The following FOSL2 variants were observed in gnomAD, a reference collection of about 807,000 sequenced individuals.
FOSL2 encodes FOS like 2, AP-1 transcription factor subunit.
In FOSL2, 3 loss-of-function variants were observed where a neutral mutation model predicts 27.7. That is an observed-to-expected ratio of 0.11 (90% CI 0.05 to 0.28). The LOEUF is 0.28. Ranked by LOEUF, FOSL2 falls within the 10% of genes least tolerant of loss-of-function variation. The pLI is 1.00. For synonymous variants in FOSL2, 179 were observed against 190.1 expected, an observed-to-expected ratio of 0.94 and a Z score of 0.48; for missense variants, 333 against 445.1, an observed-to-expected ratio of 0.75 and a Z score of 2.27.
chr2:28,406,355 C>T (rs1199631213), intron 2 of FOSL2, among the ~76,000 whole-genome samples: 3 of 152,174 alleles, frequency 2.0e-5, no homozygotes, highest in African/African-American at 7.2e-5. Flanking sequence ...AGCCACCGCG[C>T]CCGGCCACGC....
At position 28,412,491 on chromosome 2, in the gene FOSL2, G is replaced by C; in HGVS notation, c.*43G>C. 6.4e-7 allele frequency: 1 copy of C among 1,572,970 alleles called. No individual in the cohort carries two copies. The highest frequency in any genetic ancestry group is 8.6e-7 in the Non-Finnish European group (1 of 1,163,474). On this transcript the variant is annotated 3_prime_UTR_variant, in exon 4 of 4. Coordinates refer to ENST00000264716, the MANE Select transcript of FOSL2 (RefSeq NM_005253.4). The surrounding 1 kb of genome is among the most constrained non-coding windows in gnomAD (Gnocchi z 7.1). ...CCCAGCTCCGGAGGGGGTCCTCCTC[G>C]CTCCTCCTTCCCAGGGACCAGCACC...
Position 28,413,159 on chromosome 2 carries a change from G to A in FOSL2, c.*711G>A, listed in dbSNP as rs931243024. 3.6e-5 allele frequency: 8 copies of A among 222,144 alleles called. No homozygotes were observed. The highest frequency in any genetic ancestry group is 1.2e-4 in the Admixed American group (2 of 17,208). The allele number at this position is 222,144 out of a possible 1,614,324, so 13.8% of individuals were successfully genotyped here. On this transcript the variant is annotated 3_prime_UTR_variant, in exon 4 of 4. Transcript: ENST00000264716. The stretch of plus-strand genomic sequence containing the variant: ...CAGAGGACCCTTCCTGCCCACCTTC[G>A]GAGACGGCTTCTGGAGGAACGGCTT...
intron 2 of FOSL2, among the ~76,000 whole-genome samples, chr2:28,406,099 A>G (rs2148090693): frequency 7.0e-6 from 1 of 143,334 alleles, no homozygotes; most frequent in East Asian, 2.1e-4. Context: ...TCTATCACTC[A>G]GGCTAGAATG....
chr2:28,410,909 G>A (rs1004901050), intron 3 of FOSL2, among the ~76,000 whole-genome samples: 47 of 152,334 alleles, frequency 3.1e-4, no homozygotes, highest in Admixed American at 2.5e-3. Flanking sequence ...AGCACTTTGG[G>A]AGGCTGAGGC....
chr2:28,396,435 C>T (rs895899741), intron 1 of FOSL2, among the ~76,000 whole-genome samples: 13 of 151,998 alleles, frequency 8.6e-5, no homozygotes, highest in African/African-American at 3.1e-4. Context: ...GTAACCGTTG[C>T]ACACACCTCC....
At chr2:28,411,867 T>C (rs1379800076) in intron 3 of FOSL2, 63 bp from the exon 4 acceptor site, 1 of 1,582,372 alleles carries the variant, frequency 6.3e-7, no homozygotes, top group Non-Finnish European at 8.7e-7. Context: ...TGGTTTTCTC[T>C]TTCCTGCCTA....
At chr2:28,406,752 G>C (rs568535479) in intron 2 of FOSL2, among the ~76,000 whole-genome samples, 1 of 152,350 alleles carries the variant, frequency 6.6e-6, no homozygotes, top group East Asian at 1.9e-4. Context: ...AACTTTGGCT[G>C]TTCAGGTTGC....
In FOSL2 at chr2:28,392,990, G is replaced by A; in HGVS notation, c.-731G>A. 2 of 650,546 alleles carry A rather than the reference G, an allele frequency of 3.1e-6. No individual in the cohort carries two copies. The highest frequency in any genetic ancestry group is 3.2e-5 in the South Asian group (2 of 62,632). The allele number at this position is 650,546 out of a possible 1,614,324, so 40.3% of individuals were successfully genotyped here. A position where few individuals can be genotyped will look rare whatever the true frequency, so the allele number is the denominator to read the frequency against. On this transcript the variant is annotated 5_prime_UTR_variant, in exon 1 of 4. Coordinates refer to ENST00000264716, the MANE Select transcript of FOSL2 (RefSeq NM_005253.4). ...AGGGAGAGGCGCGGCCGGGCGAGGC[G>A]GGCCCGTCCGGGAGCGGGCTCCGGG...
At position 28,408,404 on chromosome 2, in the gene FOSL2, G is replaced by T. The variant is rs1020362971; in HGVS notation, c.355-355G>T. On this transcript the variant is annotated intron_variant, in intron 2 of 3. Coordinates refer to ENST00000264716, the MANE Select transcript of FOSL2 (RefSeq NM_005253.4). This position sits in a 1 kb window ranked among gnomAD's most constrained non-coding sequence, Gnocchi z 4.1. ...CTGGCAGGAGGGGACTCTTGGAGAA[G>T]CATCCCCAGCTCCTTCTCTCTGGCC... 9.7e-4 allele frequency among the ~76,000 whole-genome samples: 147 copies of T among 152,318 alleles called. No individual in the cohort carries two copies. The highest frequency in any genetic ancestry group is 3.3e-3 in the African/African-American group (138 of 41,564).
In FOSL2 at chr2:28,414,116, GA is replaced by G; in HGVS notation, c.*1669del. The G allele has an allele frequency of 6.0e-6, 2 of 335,722 alleles. No homozygotes were observed. Among genetic ancestry groups the G allele is most frequent in the Admixed American group, 9.6e-5 (2 of 20,740 alleles). 20.8% of individuals were successfully genotyped at this position (335,722 alleles called of 1,614,324 possible). On this transcript the variant is annotated 3_prime_UTR_variant, in exon 4 of 4. Coordinates refer to ENST00000264716, the MANE Select transcript of FOSL2 (RefSeq NM_005253.4). ...CTCTGCGGGGCTTGTGCTCTGCAAA[GA>G]CTCTGCTGCTGGGGATTCAGCTCTA...
chr2:28,406,893 G>A (rs938020563), intron 2 of FOSL2, among the ~76,000 whole-genome samples: 1 of 152,210 alleles, frequency 6.6e-6, no homozygotes, highest in Non-Finnish European at 1.5e-5. Context: ...GGTTCCCTCT[G>A]TGCCCTGTGG....
rs1265872122 is a variant in FOSL2 at position 28,413,707 on chromosome 2, C to T, written c.*1259C>T. ...TCCTGCCCTCTGTGGTCATCTGCCA[C>T]CTGCTGGATCAAGTGCTTTCTCTTT... On this transcript the variant is annotated 3_prime_UTR_variant, in exon 4 of 4. Coordinates refer to ENST00000264716, the MANE Select transcript of FOSL2 (RefSeq NM_005253.4). 7.5e-6 allele frequency: 3 copies of T among 399,048 alleles called. No individual in the cohort carries two copies. The highest frequency in any genetic ancestry group is 4.1e-5 in the African/African-American group (2 of 48,650). 24.7% of individuals were successfully genotyped at this position (399,048 alleles called of 1,614,324 possible).
At position 28,415,726 on chromosome 2, in the gene FOSL2, T is replaced by G. The variant is rs1015232988; in HGVS notation, c.*3278T>G. The stretch of plus-strand genomic sequence containing the variant: ...TGTGCCAGGCACTGTGTTAGGCGCT[T>G]TTATATAGATCCTCGTTAGGATGAG... On this transcript the variant is annotated 3_prime_UTR_variant, in exon 4 of 4. Coordinates refer to ENST00000264716, the MANE Select transcript of FOSL2 (RefSeq NM_005253.4). 6.6e-6 allele frequency: 1 copy of G among 152,194 alleles called. No individual in the cohort carries two copies. The highest frequency in any genetic ancestry group is 2.4e-5 in the African/African-American group (1 of 41,444). The allele number at this position is 152,194 out of a possible 1,614,324, so 9.4% of individuals were successfully genotyped here. A position where few individuals can be genotyped will look rare whatever the true frequency, so the allele number is the denominator to read the frequency against.
chr2:28,411,722 C>A (rs1227807959), intron 3 of FOSL2, among the ~76,000 whole-genome samples: 2 of 137,404 alleles, frequency 1.5e-5, no homozygotes, highest in African/African-American at 7.3e-5. Context: ...TGTTGTCTTA[C>A]CCCCTCTCCA....
intron 1 of FOSL2, among the ~76,000 whole-genome samples, chr2:28,403,863 A>G (rs925005193): frequency 4.6e-5 from 7 of 152,134 alleles, no homozygotes; most frequent in Non-Finnish European, 1.0e-4. Context: ...CCACCTGGGG[A>G]TGGAGTTCTC....
chr2:28,399,352 A>G (rs1236796394), intron 1 of FOSL2, among the ~76,000 whole-genome samples: 3 of 152,136 alleles, frequency 2.0e-5, no homozygotes, highest in South Asian at 2.1e-4. Context: ...GCAAAAAGCC[A>G]TGGGTTCATA....
chr2:28,400,640 T>C (rs1017224269), intron 1 of FOSL2, among the ~76,000 whole-genome samples: 1 of 152,348 alleles, frequency 6.6e-6, no homozygotes, highest in African/African-American at 2.4e-5. Flanking sequence ...CTTTGCCTCC[T>C]GTCTGAAACA....
chr2:28,405,118 C>T (rs1004993267), intron 2 of FOSL2, among the ~76,000 whole-genome samples: 1 of 152,216 alleles, frequency 6.6e-6, no homozygotes, highest in Admixed American at 6.5e-5. Context: ...TCAAGAGGCT[C>T]ATTGCCTGGA....
At chr2:28,401,412 T>C (rs1229971783) in intron 1 of FOSL2, among the ~76,000 whole-genome samples, 1 of 152,148 alleles carries the variant, frequency 6.6e-6, no homozygotes, top group African/African-American at 2.4e-5. Context: ...AAGTAGCTAC[T>C]CATTTAATCC....
Sources: allele counts gnomAD v4.1 joint callset (sites outside exome capture counted in the v4.1 genomes callset), GRCh38; gene constraint gnomAD v4.1.1; non-coding constraint Gnocchi (gnomAD v3.1); transcripts MANE v1.5; gene names NCBI Gene and HGNC (gene_info 2026-07-23, HGNC 2026-07-21).